Variants in WNK2 observed in about 807,000 individuals in gnomAD.
The protein encoded by WNK2 is WNK lysine deficient protein kinase 2.
WNK2 carries 67 observed loss-of-function variants against 192.1 expected under a neutral mutation model. The ratio of observed to expected loss-of-function variants is 0.35; its 90% CI spans 0.29 to 0.43. WNK2 has a LOEUF of 0.43. Ranked by LOEUF, WNK2 falls within the 20% of genes least tolerant of loss-of-function variation. The pLI is 1.00. For missense variants in WNK2, 2,698 were observed against 3,089.7 expected, an observed-to-expected ratio of 0.87 and a Z score of 3.01; for synonymous variants, 1,439 against 1,393.9, an observed-to-expected ratio of 1.03 and a Z score of -0.72.
Position 93,229,315 on chromosome 9 carries a change from G to A in WNK2, c.682-381G>A, listed in dbSNP as rs888459354. On this transcript the variant is annotated intron_variant, in intron 2 of 29. Transcript: ENST00000427277. This position sits in a 1 kb window ranked among gnomAD's most constrained non-coding sequence, Gnocchi z 4.9. Reference sequence around the variant, plus strand: ...GCCCTGAGTACTTCTTCTGAGTTGTGTATACGTTAGAAGTAAACTGATGAT... The same window carrying A: ...GCCCTGAGTACTTCTTCTGAGTTGTATATACGTTAGAAGTAAACTGATGAT... Among the ~76,000 whole-genome samples the A allele has an allele frequency of 1.3e-5, 2 of 152,212 alleles. No homozygotes were observed. Among genetic ancestry groups the A allele is most frequent in the Non-Finnish European group, 2.9e-5 (2 of 68,040 alleles).
intron 2 of WNK2, among the ~76,000 whole-genome samples, chr9:93,204,634 G>A (rs1178741267): frequency 6.6e-6 from 1 of 152,262 alleles, no homozygotes. Context: ...GCCATCACGG[G>A]CTAGGTGTGT....
intron 23 of WNK2, among the ~76,000 whole-genome samples, chr9:93,295,007 C>T (rs1849998428): frequency 6.6e-6 from 1 of 152,130 alleles, no homozygotes; most frequent in African/African-American, 2.4e-5. Context: ...CCTCTGAATA[C>T]CGAGGTGCCT....
chr9:93,301,360 C>T (rs1179046965), intron 26 of WNK2, among the ~76,000 whole-genome samples: 6 of 152,348 alleles, frequency 3.9e-5, no homozygotes, highest in Middle Eastern at 6.8e-3. Context: ...CTGCCATCCA[C>T]CCACCCCATC....
intron 2 of WNK2, among the ~76,000 whole-genome samples, chr9:93,190,677 C>T (rs995822631): frequency 6.6e-6 from 1 of 152,272 alleles, no homozygotes; most frequent in Non-Finnish European, 1.5e-5. Context: ...AACATCCTGC[C>T]TCTGCATTTG....
At chr9:93,306,891 AG>A (rs1852663210) in intron 27 of WNK2, 70 bp downstream of exon 27, 1 of 1,607,666 alleles carries the variant, frequency 6.2e-7, no homozygotes, top group Non-Finnish European at 8.5e-7. Flanking sequence ...AGCGCACATC[AG>A]GGTTCCCGCG....
chr9:93,195,681 A>T (rs150003980), intron 2 of WNK2, among the ~76,000 whole-genome samples: 2 of 140,380 alleles, frequency 1.4e-5, no homozygotes, highest in African/African-American at 5.5e-5. Context: ...CCTGGGCAAC[A>T]GAGTAAAGAC....
rs1229638995 is a variant in WNK2 at position 93,263,847 on chromosome 9, G to T, written c.3580-70G>T. ...GGGGGTGGGGGGGAGGGGTACTTGG[G>T]GGTGTGTGGGGGTGTGGCGGGTGCA... On this transcript the variant is annotated intron_variant, in intron 15 of 29. Coordinates refer to ENST00000427277, the MANE Select transcript of WNK2 (RefSeq NM_006648.4). The T allele has an allele frequency of 6.7e-5, 87 of 1,307,212 alleles. 1 individual carries two copies. In the African/African-American group the frequency reaches 1.1e-3, roughly 16 times the overall value. 81.0% of individuals were successfully genotyped at this position (1,307,212 alleles called of 1,614,324 possible). A position where few individuals can be genotyped will look rare whatever the true frequency, so the allele number is the denominator to read the frequency against.
At position 93,185,139 on chromosome 9, in the gene WNK2, C is replaced by T. The variant is rs964025935; in HGVS notation, c.210C>T (p.Pro70=). 15 of 1,300,742 alleles carry T rather than the reference C, an allele frequency of 1.2e-5. No homozygotes were observed. In the Admixed American group the frequency reaches 4.2e-4, roughly 36 times the overall value. The allele number at this position is 1,300,742 out of a possible 1,614,324, so 80.6% of individuals were successfully genotyped here. The change falls in exon 2 of 30, where the codon CCC becomes CCT. Residue 70 remains proline (P), a synonymous_variant. Coordinates refer to ENST00000427277, the MANE Select transcript of WNK2 (RefSeq NM_006648.4). ...CGCCGGGCCCGCAGCCCCCGCAGCCCCTGCAGCGCCGGGTGCTTCTGCTCT... is the reference window on the plus strand; with the variant it reads ...CGCCGGGCCCGCAGCCCCCGCAGCCTCTGCAGCGCCGGGTGCTTCTGCTCT... ...AEAPGPQPPQ[P]LQRRVLLLCK... is the part of the protein sequence containing the mutation.
intron 2 of WNK2, among the ~76,000 whole-genome samples, chr9:93,219,523 C>T (rs1358970869): frequency 6.6e-6 from 1 of 152,234 alleles, no homozygotes; most frequent in Non-Finnish European, 1.5e-5. Context: ...CCAAGTTTGT[C>T]ATTGGCTTTT....
Position 93,259,224 on chromosome 9 carries a change from G to A in WNK2, c.2676G>A (p.Pro892=), listed in dbSNP as rs145506318. 88 of 1,612,746 alleles carry A rather than the reference G, an allele frequency of 5.5e-5. No homozygotes were observed. Among genetic ancestry groups the A allele is most frequent in the Non-Finnish European group, 6.8e-5 (80 of 1,179,724 alleles). The change falls in exon 12 of 30, where the codon CCG becomes CCA. Residue 892 remains proline (P), a synonymous_variant. Transcript: ENST00000427277. This position sits in a 1 kb window ranked among gnomAD's most constrained non-coding sequence, Gnocchi z 4.8. ...ATIPLLAVAP[P]GVAALSIHSA... is the part of the protein sequence containing the mutation. ...TCCCCCTGCTGGCCGTAGCCCCACC[G>A]GGCGTGGCTGCCCTGTCCATTCATT... is the stretch of plus-strand genomic sequence containing the variant.
At chr9:93,286,542 G>A (rs1848468518) in intron 19 of WNK2, among the ~76,000 whole-genome samples, 2 of 152,188 alleles carry the variant, frequency 1.3e-5, no homozygotes, top group South Asian at 4.1e-4. Flanking sequence ...TGGAGAGAGG[G>A]GACCTTTGTG....
intron 28 of WNK2, 79 bp from the exon 29 acceptor site, chr9:93,317,441 G>A: frequency 7.0e-7 from 1 of 1,420,126 alleles, no homozygotes; most frequent in Non-Finnish European, 9.8e-7. Flanking sequence ...GAGAAACTGT[G>A]GCACCCTGGG....
intron 23 of WNK2, among the ~76,000 whole-genome samples, chr9:93,294,685 C>G (rs1849956377): frequency 6.6e-6 from 1 of 152,026 alleles, no homozygotes; most frequent in Non-Finnish European, 1.5e-5. Flanking sequence ...GCCTGGGTGA[C>G]AGGGGCCAGG....
chr9:93,259,419 C>T lies in WNK2; in HGVS notation c.2871C>T (p.Pro957=), dbSNP rs1421331727. 4 of 1,552,118 alleles carry T rather than the reference C, an allele frequency of 2.6e-6. No individual in the cohort carries two copies. The highest frequency in any genetic ancestry group is 3.5e-6 in the Non-Finnish European group (4 of 1,144,740). ...CACTGCCCCCACAACCCGTGCTGCC[C>T]CCGCAACCCACGCTGCCCCCTCAAC... is the stretch of plus-strand genomic sequence containing the variant. ...QPTLPPQPVL[P]PQPTLPPQPV... is the part of the protein sequence containing the mutation. Residue 957 remains proline (P), a synonymous_variant, in exon 12 of 30, where the codon CCC becomes CCT. Coordinates refer to ENST00000427277, the MANE Select transcript of WNK2 (RefSeq NM_006648.4). This position sits in a 1 kb window ranked among gnomAD's most constrained non-coding sequence, Gnocchi z 4.8.
intron 2 of WNK2, among the ~76,000 whole-genome samples, chr9:93,196,745 T>C (rs540089180): frequency 6.6e-6 from 1 of 152,294 alleles, no homozygotes; most frequent in African/African-American, 2.4e-5. Flanking sequence ...TATGATCTGT[T>C]CTCTGGGGCT....
intron 19 of WNK2, among the ~76,000 whole-genome samples, chr9:93,280,738 G>A (rs1847603832): frequency 6.6e-6 from 1 of 152,202 alleles, no homozygotes; most frequent in Non-Finnish European, 1.5e-5. Context: ...TGTGAGGACA[G>A]CACTATTCCT....
At chr9:93,218,777 G>A (rs925430452) in intron 2 of WNK2, among the ~76,000 whole-genome samples, 2 of 152,236 alleles carry the variant, frequency 1.3e-5, no homozygotes, top group African/African-American at 4.8e-5. Flanking sequence ...TTGTCTGGCT[G>A]TCAGGGCCAG....
chr9:93,292,689 G>T lies in WNK2; in HGVS notation c.5224G>T (p.Ala1742Ser). 6.4e-7 allele frequency: 1 copy of T among 1,572,272 alleles called. No homozygotes were observed. Among genetic ancestry groups the T allele is most frequent in the East Asian group, 2.4e-5 (1 of 42,032 alleles). ...AGAGCAGCAGGATGTCAGCTCACCA[G>T]CCAAGACTGTGGGCCGTTTCTCGGT... is the stretch of plus-strand genomic sequence containing the variant. Reference protein sequence around the residue: ...RPEQQDVSSPAKTVGRFSVVS... With the variant: ...RPEQQDVSSPSKTVGRFSVVS... The change falls in exon 23 of 30, where the codon GCC becomes TCC. Residue 1742 changes from alanine (A) to serine (S), a missense_variant. Ala to Ser is a moderately conservative substitution (Grantham distance 99). Coordinates refer to ENST00000427277, the MANE Select transcript of WNK2 (RefSeq NM_006648.4).
chr9:93,306,405 C>A (rs906845021), intron 26 of WNK2, among the ~76,000 whole-genome samples: 1 of 152,248 alleles, frequency 6.6e-6, no homozygotes, highest in Non-Finnish European at 1.5e-5. Flanking sequence ...GGTGTCCTGC[C>A]TCCATCAGTG....
Sources: gnomAD v4.1 joint callset for allele counts (sites outside exome capture counted in the v4.1 genomes callset) on GRCh38, gnomAD v4.1.1 for gene constraint, Gnocchi (gnomAD v3.1) non-coding constraint, MANE v1.5 for transcripts, NCBI Gene and HGNC (gene_info 2026-07-23, HGNC 2026-07-21) for gene names.